The following BCL11B variants were observed in gnomAD, a reference collection of about 807,000 sequenced individuals.
The protein encoded by BCL11B is BCL11 transcription factor B, also known as B-cell lymphoma/leukemia 11B.
BCL11B carries 8 observed loss-of-function variants against 49.9 expected under a neutral mutation model. The ratio of observed to expected loss-of-function variants is 0.16; its 90% CI spans 0.09 to 0.29. BCL11B has a LOEUF of 0.29. BCL11B is among the 10% of genes least tolerant of loss of function. BCL11B has a pLI of 1.00. For missense variants in BCL11B, 1,006 were observed against 1,351.0 expected (o/e 0.74, Z 4.00); for synonymous variants, 739 against 637.4 (o/e 1.16, Z -2.40).
chr14:99,186,338 T>C (rs1263755685), intron 3 of BCL11B, among the ~76,000 whole-genome samples: 1 of 152,232 alleles, frequency 6.6e-6, no homozygotes, highest in East Asian at 1.9e-4. Context: ...CTGGCCAACA[T>C]GGTGAAACCT....
chr14:99,252,559 G>T (rs933547844), intron 2 of BCL11B, among the ~76,000 whole-genome samples: 3 of 152,182 alleles, frequency 2.0e-5, no homozygotes, highest in African/African-American at 7.2e-5. Context: ...TGCCCCACCT[G>T]CTAAGAGAAT....
At chr14:99,188,901 T>C (rs1413139817) in intron 3 of BCL11B, among the ~76,000 whole-genome samples, 1 of 152,234 alleles carries the variant, frequency 6.6e-6, no homozygotes, top group Non-Finnish European at 1.5e-5. Context: ...TCCAGCCAGC[T>C]TGTCACCGAG....
chr14:99,251,835 A>G (rs1337784994), intron 2 of BCL11B, among the ~76,000 whole-genome samples: 1 of 152,186 alleles, frequency 6.6e-6, no homozygotes, highest in Non-Finnish European at 1.5e-5. Context: ...CCAGACAGAC[A>G]GAGTTAGAAT....
chr14:99,200,194 C>T (rs1887334989), intron 3 of BCL11B, among the ~76,000 whole-genome samples: 1 of 152,066 alleles, frequency 6.6e-6, no homozygotes, highest in Admixed American at 6.5e-5. Context: ...TTTGGGAATC[C>T]AGGATGCTGC....
chr14:99,233,853 G>T (rs1027580894), intron 2 of BCL11B, among the ~76,000 whole-genome samples: 2 of 152,182 alleles, frequency 1.3e-5, no homozygotes, highest in Admixed American at 1.3e-4. Flanking sequence ...AAGTCCACCT[G>T]CTCCAGGGAC....
intron 3 of BCL11B, among the ~76,000 whole-genome samples, chr14:99,226,354 T>C (rs1477505814): frequency 1.3e-5 from 2 of 152,114 alleles, no homozygotes; most frequent in African/African-American, 2.4e-5. Context: ...CTCACACGGT[T>C]CTTTTTTTGT....
At chr14:99,255,811 A>C (rs959982302) in intron 2 of BCL11B, among the ~76,000 whole-genome samples, 4 of 152,238 alleles carry the variant, frequency 2.6e-5, no homozygotes, top group Admixed American at 6.5e-5. Flanking sequence ...GCTCAGGTGC[A>C]CATAGCACTC....
intron 3 of BCL11B, among the ~76,000 whole-genome samples, chr14:99,214,769 C>T (rs1887784584): frequency 6.6e-6 from 1 of 152,112 alleles, no homozygotes; most frequent in African/African-American, 2.4e-5. Flanking sequence ...GCCTCTTTAC[C>T]TTCCCAGCAG....
chr14:99,207,181 T>C (rs17551628), intron 3 of BCL11B, among the ~76,000 whole-genome samples: 3,966 of 152,336 alleles, frequency 0.026, 71 homozygotes, highest in Middle Eastern at 0.082. Flanking sequence ...ATTCTCATTC[T>C]TTCACCATCA....
At chr14:99,187,754 C>A (rs1293606235) in intron 3 of BCL11B, among the ~76,000 whole-genome samples, 4 of 125,954 alleles carry the variant, frequency 3.2e-5, no homozygotes, top group Non-Finnish European at 6.8e-5. Context: ...ATCTCAGTCT[C>A]CCCAGAAGCA....
chr14:99,206,442 T>A (rs1887535684), intron 3 of BCL11B, among the ~76,000 whole-genome samples: 1 of 152,096 alleles, frequency 6.6e-6, no homozygotes, highest in Non-Finnish European at 1.5e-5. Context: ...ATTCATCAGT[T>A]TTAAATTTTG....
intron 3 of BCL11B, among the ~76,000 whole-genome samples, chr14:99,182,077 ATC>A (rs1432312055): frequency 1.3e-5 from 2 of 152,238 alleles, no homozygotes; most frequent in Admixed American, 6.5e-5. Context: ...GGGCACAGCC[ATC>A]TGCAGAATTG....
At chr14:99,226,111 G>A (rs1050108151) in intron 3 of BCL11B, among the ~76,000 whole-genome samples, 9 of 152,090 alleles carry the variant, frequency 5.9e-5, no homozygotes, top group African/African-American at 2.2e-4. Flanking sequence ...GCAGATGCTG[G>A]GACCACCGGC....
Position 99,176,037 on chromosome 14 carries a change from G to T in BCL11B, c.799C>A (p.Pro267Thr). 6.3e-7 allele frequency: 1 copy of T among 1,588,166 alleles called. No individual in the cohort carries two copies. Among genetic ancestry groups the T allele is most frequent in the East Asian group, 2.3e-5 (1 of 43,514 alleles). The part of the protein sequence containing the change: ...SSLTPRLTIP[P>T]PLGPEAVAQS... Reference sequence around the variant, plus strand: ...GCCACGGCCTCCGGCCCGAGCGGCGGCGGGATGGTGAGCCGCGGCGTGAGC... The same window carrying T: ...GCCACGGCCTCCGGCCCGAGCGGCGTCGGGATGGTGAGCCGCGGCGTGAGC... The change falls in exon 4 of 4, where the codon CCG becomes ACG. Residue 267 changes from proline (P) to threonine (T), a missense_variant. Around this residue, in one of 6 missense-constraint regions of BCL11B, gnomAD observed 411 missense variants for 542.2 expected, o/e 0.76. Transcript: ENST00000357195.
At position 99,175,602 on chromosome 14, in the gene BCL11B, T is replaced by C; in HGVS notation, c.1234A>G (p.Met412Val). 2 of 1,570,428 alleles carry C rather than the reference T, an allele frequency of 1.3e-6. No individual in the cohort carries two copies. The highest frequency in any genetic ancestry group is 1.7e-6 in the Non-Finnish European group (2 of 1,163,658). ...PFLSTPPLPP[M>V]PPGGTPPPQP... ...GGGGGCGGCGTGCCGCCAGGGGGCA[T>C]GGGCGGCAGCGGCGGCGTGCTCAGG... The change falls in exon 4 of 4, where the codon ATG (methionine) becomes GTG (valine). Residue 412 changes from methionine to valine, a missense_variant. Around this residue, in one of 6 missense-constraint regions of BCL11B, gnomAD observed 97 missense variants for 81.5 expected, o/e 1.19. Coordinates refer to ENST00000357195, the MANE Select transcript of BCL11B (RefSeq NM_138576.4).
At chr14:99,222,679 G>C (rs1310857637) in intron 3 of BCL11B, among the ~76,000 whole-genome samples, 2 of 152,136 alleles carry the variant, frequency 1.3e-5, no homozygotes, top group East Asian at 1.9e-4. Flanking sequence ...GAGGAAGCTT[G>C]TTGTCAGCAG....
intron 1 of BCL11B, among the ~76,000 whole-genome samples, chr14:99,261,047 C>G (rs765654722): frequency 6.6e-6 from 1 of 152,190 alleles, no homozygotes; most frequent in Non-Finnish European, 1.5e-5. Flanking sequence ...GGTGTTCACC[C>G]GATTCCAAAG....
chr14:99,251,210 G>T (rs1198889965), intron 2 of BCL11B, among the ~76,000 whole-genome samples: 2 of 152,218 alleles, frequency 1.3e-5, no homozygotes, highest in African/African-American at 4.8e-5. Context: ...TGTAAGTTCA[G>T]ACAAGTCACT....
chr14:99,244,492 T>C (rs1888766953), intron 2 of BCL11B, among the ~76,000 whole-genome samples: 1 of 152,192 alleles, frequency 6.6e-6, no homozygotes, highest in Non-Finnish European at 1.5e-5. Context: ...TTTTGGACCA[T>C]TATGAGTGCT....
Sources: allele counts gnomAD v4.1 joint callset (sites outside exome capture counted in the v4.1 genomes callset), GRCh38; gene constraint gnomAD v4.1.1; regional missense constraint gnomAD v4.1.1; transcripts MANE v1.5; gene names NCBI Gene and HGNC (gene_info 2026-07-23, HGNC 2026-07-21).